CNTNAP4: variants seen among roughly 807,000 people sequenced by gnomAD.
CNTNAP4 encodes the protein contactin associated protein family member 4.
Under a neutral mutation model 148.4 loss-of-function variants are expected in CNTNAP4, and 98 were observed. That is an observed-to-expected ratio of 0.66 (90% confidence interval 0.56 to 0.78). The LOEUF (loss-of-function observed/expected upper bound fraction) is 0.78, where lower values mean the gene tolerates loss of function less well. CNTNAP4 is among the 30% of genes least tolerant of loss of function. The pLI, the probability that CNTNAP4 is intolerant of heterozygous loss-of-function variation, is 0.00. For synonymous variants in CNTNAP4, 730 were observed against 565.1 expected, an observed-to-expected ratio of 1.29 and a Z score of -4.14; for missense variants, 1,935 against 1,565.6, an observed-to-expected ratio of 1.24 and a Z score of -3.98.
At chr16:76,494,502 A>G (rs1461484768) in intron 13 of CNTNAP4, among the ~76,000 whole-genome samples, 2 of 152,158 alleles carry the variant, frequency 1.3e-5, no homozygotes, top group Admixed American at 6.5e-5. Flanking sequence ...TAATGCTTTA[A>G]TGGGCATTTC....
intron 1 of CNTNAP4, among the ~76,000 whole-genome samples, chr16:76,310,478 C>T (rs1462960216): frequency 6.6e-6 from 1 of 152,114 alleles, no homozygotes; most frequent in African/African-American, 2.4e-5. Flanking sequence ...GAAGGGAAGG[C>T]CATTCCTTAA....
chr16:76,319,240 AAGTT>A (rs1006787463), intron 2 of CNTNAP4, among the ~76,000 whole-genome samples: 1 of 152,058 alleles, frequency 6.6e-6, no homozygotes, highest in African/African-American at 2.4e-5. Context: ...AGATACAAAA[AAGTT>A]AGCCAGGCAT....
At chr16:76,324,190 A>G (rs1962726275) in intron 2 of CNTNAP4, among the ~76,000 whole-genome samples, 1 of 152,222 alleles carries the variant, frequency 6.6e-6, no homozygotes, top group Admixed American at 6.5e-5. Flanking sequence ...TTCAGCTTTC[A>G]TAAGATACAG....
chr16:76,445,293 A>G (rs2143099635), intron 4 of CNTNAP4, among the ~76,000 whole-genome samples: 1 of 152,318 alleles, frequency 6.6e-6, no homozygotes, highest in Admixed American at 6.5e-5. Context: ...TGCCTGTTAC[A>G]ACCTGTAATG....
chr16:76,334,224 GTA>G (rs1963820680), intron 2 of CNTNAP4, among the ~76,000 whole-genome samples: 1 of 151,664 alleles, frequency 6.6e-6, no homozygotes, highest in South Asian at 2.1e-4. Flanking sequence ...TCTTTGTCAT[GTA>G]TAGTCTTTGA....
chr16:76,309,639 G>T (rs1229179967), intron 1 of CNTNAP4, among the ~76,000 whole-genome samples: 3 of 152,206 alleles, frequency 2.0e-5, no homozygotes, highest in Non-Finnish European at 2.9e-5. Flanking sequence ...GCTATTTGGG[G>T]CTGATAGGAT....
At chr16:76,370,288 A>AG (rs2014647343) in intron 3 of CNTNAP4, among the ~76,000 whole-genome samples, 1 of 150,440 alleles carries the variant, frequency 6.6e-6, no homozygotes, top group East Asian at 1.9e-4. Flanking sequence ...GTATTCTGAC[A>AG]GAAAAAAAAA....
intron 4 of CNTNAP4, among the ~76,000 whole-genome samples, chr16:76,446,421 A>G (rs912590433): frequency 2.0e-5 from 3 of 152,202 alleles, no homozygotes; most frequent in Non-Finnish European, 2.9e-5. Context: ...TGTAGACAAT[A>G]CCGTCAGGAT....
In CNTNAP4 at chr16:76,501,534, C is replaced by T. The variant is rs532823009; in HGVS notation, c.2365+2840C>T. Among the ~76,000 whole-genome samples the T allele has an allele frequency of 2.6e-5, 4 of 152,288 alleles. No homozygotes were observed. The South Asian group carries it at 8.3e-4, about 32-fold the overall frequency. On this transcript the variant is annotated intron_variant, in intron 15 of 23. Coordinates refer to ENST00000611870, the MANE Select transcript of CNTNAP4 (RefSeq NM_033401.5). ...TGATTCTCCATCCAAGGCAATCTTG[C>T]CCTGCAGTGGACATTTGGCAGTGTT...
chr16:76,462,300 C>T (rs1414133379), intron 9 of CNTNAP4, among the ~76,000 whole-genome samples, 195 bp downstream of exon 9: 1 of 152,152 alleles, frequency 6.6e-6, no homozygotes, highest in African/African-American at 2.4e-5. Context: ...GGTGGACTTA[C>T]TTCTGTTTAC....
At chr16:76,517,811 G>T in intron 15 of CNTNAP4, among the ~76,000 whole-genome samples, 1 of 152,130 alleles carries the variant, frequency 6.6e-6, no homozygotes, top group Middle Eastern at 3.4e-3. Context: ...CCTCTGAGCC[G>T]CTGCTCTCCC....
At chr16:76,370,579 C>A (rs914133782) in intron 3 of CNTNAP4, among the ~76,000 whole-genome samples, 1 of 152,168 alleles carries the variant, frequency 6.6e-6, no homozygotes, top group Admixed American at 6.5e-5. Flanking sequence ...GAGCCTGGGA[C>A]ACAGTCCACG....
intron 21 of CNTNAP4, among the ~76,000 whole-genome samples, chr16:76,544,693 C>G (rs557056208): frequency 6.6e-6 from 1 of 152,196 alleles, no homozygotes; most frequent in African/African-American, 2.4e-5. Context: ...TTCCTGGACA[C>G]TTTTATATGT....
intron 4 of CNTNAP4, among the ~76,000 whole-genome samples, chr16:76,442,892 T>C (rs1335840218): frequency 6.6e-6 from 1 of 152,140 alleles, no homozygotes; most frequent in African/African-American, 2.4e-5. Context: ...TGCTCAAGTT[T>C]GAGTGAGTAT....
chr16:76,302,451 C>T (rs773995119), intron 1 of CNTNAP4, among the ~76,000 whole-genome samples: 4 of 151,998 alleles, frequency 2.6e-5, no homozygotes, highest in Non-Finnish European at 4.4e-5. Flanking sequence ...GGCTGTCCAT[C>T]GTTTCTTGAC....
At chr16:76,540,868 C>A (rs1280323735) in intron 21 of CNTNAP4, 78 bp downstream of exon 21, 2 of 938,422 alleles carry the variant, frequency 2.1e-6, no homozygotes, top group Admixed American at 4.4e-5. Context: ...TCATATTACA[C>A]ACACCCACTT....
chr16:76,481,074 T>C (rs2081810080), intron 12 of CNTNAP4, among the ~76,000 whole-genome samples: 1 of 152,164 alleles, frequency 6.6e-6, no homozygotes, highest in South Asian at 2.1e-4. Flanking sequence ...AAATAGAGAA[T>C]TTATAAACAG....
chr16:76,474,694 C>G (rs1380607185), intron 10 of CNTNAP4, among the ~76,000 whole-genome samples: 23 of 152,108 alleles, frequency 1.5e-4, no homozygotes, highest in Admixed American at 1.5e-3. Flanking sequence ...CATCAAAAAT[C>G]TGATTAGGGC....
chr16:76,401,184 T>C (rs1171008050), intron 3 of CNTNAP4, among the ~76,000 whole-genome samples: 1 of 152,210 alleles, frequency 6.6e-6, no homozygotes, highest in Admixed American at 6.6e-5. Flanking sequence ...GGAATGTTTT[T>C]CCATTTGTGC....
Sources: allele counts gnomAD v4.1 joint callset (sites outside exome capture counted in the v4.1 genomes callset), GRCh38; gene constraint gnomAD v4.1.1; transcripts MANE v1.5; gene names NCBI Gene and HGNC (gene_info 2026-07-23, HGNC 2026-07-21).